The following BCAR3 variants were observed in gnomAD, a reference collection of about 807,000 sequenced individuals.
BCAR3 encodes breast cancer anti-estrogen resistance protein 3.
In BCAR3, 37 loss-of-function variants were observed where a neutral mutation model predicts 80.1. That is an observed-to-expected ratio of 0.46 (90% CI 0.36 to 0.61). The LOEUF (loss-of-function observed/expected upper bound fraction) is 0.61, where lower values mean the gene tolerates loss of function less well. Ranked by LOEUF, BCAR3 falls within the 20% of genes least tolerant of loss-of-function variation. The pLI is 0.00. For missense variants in BCAR3, 978 were observed against 1,068.2 expected (o/e 0.92, Z 1.18); for synonymous variants, 389 against 418.9 (o/e 0.93, Z 0.87).
intron 3 of BCAR3, among the ~76,000 whole-genome samples, chr1:93,691,400 C>G (rs1329666602): frequency 6.6e-6 from 1 of 152,256 alleles, no homozygotes; most frequent in Non-Finnish European, 1.5e-5. Context: ...CAGACACACC[C>G]CTTCCCTGTG....
At chr1:93,759,117 C>G (rs1267498191) in intron 2 of BCAR3, among the ~76,000 whole-genome samples, 2 of 152,188 alleles carry the variant, frequency 1.3e-5, no homozygotes, top group Non-Finnish European at 2.9e-5. Context: ...AACCCACATC[C>G]TGCGGCACAG....
At chr1:93,605,080 C>G (rs999844756) in intron 3 of BCAR3, among the ~76,000 whole-genome samples, 3 of 152,210 alleles carry the variant, frequency 2.0e-5, no homozygotes, top group African/African-American at 7.2e-5. Flanking sequence ...TCTTGCCACG[C>G]TGAAAGCCCT....
At chr1:93,741,051 C>T (rs1651158239) in intron 2 of BCAR3, among the ~76,000 whole-genome samples, 1 of 152,162 alleles carries the variant, frequency 6.6e-6, no homozygotes, top group Non-Finnish European at 1.5e-5. Flanking sequence ...CCTTGCTCGG[C>T]TGACATCAAG....
intron 2 of BCAR3, among the ~76,000 whole-genome samples, chr1:93,670,855 T>G (rs1648167317): frequency 6.6e-6 from 1 of 152,092 alleles, no homozygotes; most frequent in Non-Finnish European, 1.5e-5. Context: ...AATGGAGGAA[T>G]TAATAATGGA....
chr1:93,614,798 AC>A (rs1288476320), intron 3 of BCAR3, among the ~76,000 whole-genome samples: 1 of 151,840 alleles, frequency 6.6e-6, no homozygotes, highest in Non-Finnish European at 1.5e-5. Context: ...TAAATCCTTC[AC>A]TTTAATTACT....
upstream of BCAR3, among the ~76,000 whole-genome samples, chr1:93,685,948 T>C (rs1327891498): frequency 6.6e-6 from 1 of 152,234 alleles, no homozygotes; most frequent in Non-Finnish European, 1.5e-5. Flanking sequence ...CCTGTTTTTC[T>C]ACCCATTTGT....
At chr1:93,565,691 G>C (rs759482031) in intron 11 of BCAR3, among the ~76,000 whole-genome samples, 4 of 152,140 alleles carry the variant, frequency 2.6e-5, no homozygotes, top group Non-Finnish European at 4.4e-5. Context: ...TTTATTGTTT[G>C]AGTAACATAC....
At chr1:93,715,111 T>G (rs1410024203) in intron 2 of BCAR3, among the ~76,000 whole-genome samples, 1 of 152,228 alleles carries the variant, frequency 6.6e-6, no homozygotes, top group African/African-American at 2.4e-5. Flanking sequence ...AATTTTGTAT[T>G]AGGCAAAAAT....
chr1:93,791,182 C>T lies in BCAR3; in HGVS notation c.-63+54385G>A. On this transcript the variant is annotated intron_variant, in intron 2 of 13. Transcript: ENST00000370244. ...GGGTATATACCCAGTATTGGGATGG[C>T]TGGGTCAAATGGTATTTCTAGTTCT... Among the ~76,000 whole-genome samples the T allele has an allele frequency of 2.6e-5, 2 of 76,330 alleles. 1 individual carries two copies. Among genetic ancestry groups the T allele is most frequent in the African/African-American group, 1.7e-4 (2 of 11,770 alleles). 50.1% of individuals were successfully genotyped at this position (76,330 alleles called of 152,430 possible).
intron 2 of BCAR3, among the ~76,000 whole-genome samples, chr1:93,828,758 G>A (rs1349339307): frequency 6.6e-6 from 1 of 151,982 alleles, no homozygotes; most frequent in Non-Finnish European, 1.5e-5. Context: ...GCAGTGGCAC[G>A]ATCTCAGCTC....
chr1:93,562,033 A>G lies in BCAR3; in HGVS notation c.*208T>C, dbSNP rs1186163985. 4.6e-6 allele frequency: 2 copies of G among 435,250 alleles called. No individual in the cohort carries two copies. The highest frequency in any genetic ancestry group is 7.7e-6 in the Non-Finnish European group (2 of 258,900). 27.0% of individuals were successfully genotyped at this position (435,250 alleles called of 1,614,324 possible). On this transcript the variant is annotated 3_prime_UTR_variant, in exon 12 of 12. Transcript: ENST00000260502. ...CATTAGCAGTAGTTACCTTAATAAT[A>G]AATTATTCATTTTAAAATCAGTAGT... is the stretch of plus-strand genomic sequence containing the variant.
rs530334303 is a variant in BCAR3 at position 93,841,890 on chromosome 1, G to A, written c.-63+3677C>T. 2.0e-5 allele frequency among the ~76,000 whole-genome samples: 3 copies of A among 152,244 alleles called. No individual in the cohort carries two copies. In the East Asian group the frequency reaches 5.8e-4, roughly 29 times the overall value. On this transcript the variant is annotated intron_variant, in intron 2 of 13. Coordinates refer to the BCAR3 transcript ENST00000370244. ...TAAACACTGTGCACTGAACTGCTCA[G>A]CCTCCATTATTTTCCCAGCCTTGTC...
At chr1:93,749,992 G>A (rs979388071) in intron 2 of BCAR3, among the ~76,000 whole-genome samples, 3 of 150,812 alleles carry the variant, frequency 2.0e-5, no homozygotes, top group African/African-American at 7.3e-5. Flanking sequence ...CACCAGAATT[G>A]GTCTCAGTTG....
intron 2 of BCAR3, among the ~76,000 whole-genome samples, chr1:93,774,652 C>T (rs765910294): frequency 6.6e-5 from 10 of 152,158 alleles, no homozygotes; most frequent in South Asian, 2.1e-4. Flanking sequence ...GGCAAAGCAA[C>T]GACCTGAAGT....
intron 2 of BCAR3, among the ~76,000 whole-genome samples, chr1:93,732,017 C>T (rs888311344): frequency 2.0e-5 from 3 of 152,186 alleles, no homozygotes; most frequent in Non-Finnish European, 2.9e-5. Context: ...AACAGCAAAC[C>T]GCGTGGACAG....
chr1:93,587,881 G>T (rs1474317122), intron 5 of BCAR3, among the ~76,000 whole-genome samples: 1 of 152,056 alleles, frequency 6.6e-6, no homozygotes, highest in Non-Finnish European at 1.5e-5. Context: ...CAAAGACTCT[G>T]AGCTCTGTGA....
At chr1:93,659,387 C>A (rs781444027) in intron 2 of BCAR3, among the ~76,000 whole-genome samples, 12 of 151,730 alleles carry the variant, frequency 7.9e-5, no homozygotes, top group Non-Finnish European at 1.8e-4. Context: ...GAGATGGGGT[C>A]TTGCTATGTT....
chr1:93,674,590 C>T lies in BCAR3; in HGVS notation c.317+24G>A, dbSNP rs780753498. On this transcript the variant is annotated intron_variant, in intron 2 of 11. Coordinates refer to ENST00000260502, the MANE Select transcript of BCAR3 (RefSeq NM_003567.4). Reference sequence around the variant, plus strand: ...AAAGCTGTTTAAGACAAATCATCTTCACTAGTGAAATTACAGAAGTTACCT... The same window carrying T: ...AAAGCTGTTTAAGACAAATCATCTTTACTAGTGAAATTACAGAAGTTACCT... 22 of 1,608,386 alleles carry T rather than the reference C, an allele frequency of 1.4e-5. No homozygotes were observed. The South Asian group carries it at 2.2e-4, about 16-fold the overall frequency.
intron 2 of BCAR3, among the ~76,000 whole-genome samples, chr1:93,764,926 C>T (rs533501385): frequency 1.5e-3 from 230 of 152,214 alleles, no homozygotes; most frequent in African/African-American, 5.2e-3. Flanking sequence ...GGAAGGTGTC[C>T]GCCCCACTGT....
Sources: gnomAD v4.1 joint callset for allele counts (sites outside exome capture counted in the v4.1 genomes callset) on GRCh38, gnomAD v4.1.1 for gene constraint, MANE v1.5 for transcripts, NCBI Gene and HGNC (gene_info 2026-07-23, HGNC 2026-07-21) for gene names.